The following KCNJ6 variants were observed in gnomAD, a reference collection of about 807,000 sequenced individuals.
KCNJ6 encodes potassium inwardly rectifying channel subfamily J member 6.
A neutral mutation model predicts 34.2 loss-of-function variants in KCNJ6; 9 were observed. The observed-to-expected ratio is 0.26, with a 90% CI of 0.16 to 0.46. KCNJ6 has a LOEUF of 0.46. Ranked by LOEUF, KCNJ6 falls within the 20% of genes least tolerant of loss-of-function variation. KCNJ6 has a pLI of 1.00. For synonymous variants in KCNJ6, 196 were observed against 207.1 expected, an observed-to-expected ratio of 0.95 and a Z score of 0.46; for missense variants, 236 against 531.3, an observed-to-expected ratio of 0.44 and a Z score of 5.46.
intron 2 of KCNJ6, among the ~76,000 whole-genome samples, chr21:37,821,411 T>C (rs2055372621): frequency 6.6e-6 from 1 of 152,214 alleles, no homozygotes; most frequent in Admixed American, 6.5e-5. Flanking sequence ...TTTTACATTC[T>C]AGGTTATCCA....
chr21:37,910,726 A>G (rs2055863209), intron 1 of KCNJ6, among the ~76,000 whole-genome samples: 1 of 152,242 alleles, frequency 6.6e-6, no homozygotes, highest in Non-Finnish European at 1.5e-5. Flanking sequence ...AATGAGAAGC[A>G]TGAGACTCAA....
intron 1 of KCNJ6, among the ~76,000 whole-genome samples, chr21:37,868,933 G>C (rs2055636693): frequency 6.6e-6 from 1 of 152,244 alleles, no homozygotes; most frequent in Non-Finnish European, 1.5e-5. Context: ...CAAGCTGTGT[G>C]TTTGGTGTTT....
chr21:37,894,029 TG>T, intron 1 of KCNJ6, among the ~76,000 whole-genome samples: 1 of 152,364 alleles, frequency 6.6e-6, no homozygotes, highest in Middle Eastern at 3.4e-3. Context: ...ATCAAAACCC[TG>T]TCACCCTCCA....
rs1398519883 is a variant in KCNJ6 at position 37,665,063 on chromosome 21, TG to T, written c.947-39580del. Among the ~76,000 whole-genome samples, 7 of 152,268 alleles carry T rather than the reference TG, an allele frequency of 4.6e-5. No individual in the cohort carries two copies. In the South Asian group the frequency reaches 1.5e-3, roughly 32 times the overall value. ...CGCCTGCCTCAGCCTCCCAAAGTGC[TG>T]GGATTACAGACATGAGCCACCACGC... On this transcript the variant is annotated intron_variant, in intron 3 of 3. Transcript: ENST00000609713.
intron 3 of KCNJ6, among the ~76,000 whole-genome samples, chr21:37,639,187 C>T (rs1454970022): frequency 1.3e-5 from 2 of 152,168 alleles, no homozygotes; most frequent in African/African-American, 4.8e-5. Context: ...CTTAAGACTT[C>T]CTTCTTTTAC....
At chr21:37,812,527 A>C (rs2055327999) in intron 2 of KCNJ6, among the ~76,000 whole-genome samples, 1 of 152,220 alleles carries the variant, frequency 6.6e-6, no homozygotes, top group South Asian at 2.1e-4. Flanking sequence ...ACAAAACACT[A>C]GTTAACTGTA....
Position 37,915,941 on chromosome 21 carries a change from A to G in KCNJ6, c.-85T>C, listed in dbSNP as rs2055891480. The G allele has an allele frequency of 6.6e-6, 1 of 152,340 alleles. No homozygotes were observed. Among genetic ancestry groups the G allele is most frequent in the African/African-American group, 2.4e-5 (1 of 41,452 alleles). The allele number at this position is 152,340 out of a possible 1,614,324, so 9.4% of individuals were successfully genotyped here. A position where few individuals can be genotyped will look rare whatever the true frequency, so the allele number is the denominator to read the frequency against. ...TGATCTCCTCTCTTGAAACGGAGCA[A>G]GACTGAACAATTCACTACACGACGG... On this transcript the variant is annotated 5_prime_UTR_variant, in exon 1 of 4. Coordinates refer to ENST00000609713, the MANE Select transcript of KCNJ6 (RefSeq NM_002240.5).
intron 3 of KCNJ6, among the ~76,000 whole-genome samples, chr21:37,666,192 C>T (rs1196977607): frequency 6.6e-6 from 1 of 152,190 alleles, no homozygotes; most frequent in African/African-American, 2.4e-5. Context: ...GATGGGTACA[C>T]AGGCAGAGAT....
chr21:37,903,474 C>T (rs1253969113), intron 1 of KCNJ6, among the ~76,000 whole-genome samples: 1 of 152,152 alleles, frequency 6.6e-6, no homozygotes, highest in African/African-American at 2.4e-5. Flanking sequence ...TTGTTAGCAG[C>T]ATGAGAATGG....
At chr21:37,667,351 C>T (rs887718575) in intron 3 of KCNJ6, among the ~76,000 whole-genome samples, 2 of 152,008 alleles carry the variant, frequency 1.3e-5, no homozygotes, top group African/African-American at 2.4e-5. Flanking sequence ...ACCTTTCCCT[C>T]ATCACATAGG....
intron 3 of KCNJ6, among the ~76,000 whole-genome samples, chr21:37,647,141 G>C (rs1352541782): frequency 1.3e-5 from 2 of 152,166 alleles, no homozygotes; most frequent in Non-Finnish European, 2.9e-5. Context: ...GCACAGGGCA[G>C]AACATGTAAC....
At chr21:37,789,437 TAGAG>T (rs141551821) in intron 2 of KCNJ6, among the ~76,000 whole-genome samples, 3,367 of 152,098 alleles carry the variant, frequency 0.022, 68 homozygotes, top group Non-Finnish European at 0.03. Flanking sequence ...ATCTGCAAGC[TAGAG>T]AGAGAGAGCC....
At chr21:37,766,688 C>T (rs1568841108) in intron 2 of KCNJ6, among the ~76,000 whole-genome samples, 2 of 152,088 alleles carry the variant, frequency 1.3e-5, no homozygotes, top group Non-Finnish European at 2.9e-5. Context: ...CCAAAGGAAA[C>T]GATCACTGAA....
intron 2 of KCNJ6, among the ~76,000 whole-genome samples, chr21:37,784,966 A>G (rs1402515685): frequency 6.6e-6 from 1 of 152,156 alleles, no homozygotes; most frequent in African/African-American, 2.4e-5. Flanking sequence ...GGAGAATGTC[A>G]CAGAGATTCA....
chr21:37,721,417 C>G (rs2054825736), intron 2 of KCNJ6, among the ~76,000 whole-genome samples: 1 of 152,186 alleles, frequency 6.6e-6, no homozygotes, highest in Non-Finnish European at 1.5e-5. Context: ...AGCAATTGCA[C>G]TTCTAGGAAA....
chr21:37,846,638 A>G (rs565531211), intron 1 of KCNJ6, among the ~76,000 whole-genome samples: 127 of 152,186 alleles, frequency 8.3e-4, no homozygotes, highest in Non-Finnish European at 1.7e-3. Flanking sequence ...CAAACCGGTT[A>G]TATTTGCATC....
intron 1 of KCNJ6, among the ~76,000 whole-genome samples, chr21:37,869,529 T>G (rs1306640541): frequency 6.6e-6 from 1 of 152,214 alleles, no homozygotes; most frequent in Non-Finnish European, 1.5e-5. Flanking sequence ...TACATGTTTG[T>G]GTAATTTGGG....
At chr21:37,814,276 C>G (rs190770589) in intron 2 of KCNJ6, among the ~76,000 whole-genome samples, 285 of 152,156 alleles carry the variant, frequency 1.9e-3, no homozygotes, top group African/African-American at 6.7e-3. Flanking sequence ...TAGCTTATAT[C>G]CAAAAAGACA....
intron 3 of KCNJ6, among the ~76,000 whole-genome samples, chr21:37,702,861 G>C (rs2054698772): frequency 6.6e-6 from 1 of 152,136 alleles, no homozygotes. Flanking sequence ...TGGAGAGGGA[G>C]GCTGCGGTCA....
Sources: gnomAD v4.1 joint callset for allele counts (sites outside exome capture counted in the v4.1 genomes callset) on GRCh38, gnomAD v4.1.1 for gene constraint, MANE v1.5 for transcripts, NCBI Gene and HGNC (gene_info 2026-07-23, HGNC 2026-07-21) for gene names.